The following KMT2A variants were observed in gnomAD, a reference collection of about 807,000 sequenced individuals.
The protein encoded by KMT2A is histone-lysine N-methyltransferase 2A.
A neutral mutation model predicts 345.3 loss-of-function variants in KMT2A; 16 were observed. The observed-to-expected ratio is 0.05, with a 90% confidence interval of 0.03 to 0.07. The LOEUF (loss-of-function observed/expected upper bound fraction) is 0.07, where lower values mean the gene tolerates loss of function less well. Among genes scored for constraint, KMT2A ranks in the 10% least tolerant of loss-of-function variants. The pLI is 1.00. For synonymous variants in KMT2A, 1,599 were observed against 1,778.6 expected (o/e 0.90, Z 2.54); for missense variants, 3,272 against 4,841.6 (o/e 0.68, Z 9.62).
At chr11:118,477,375 A>T (rs1170680830) in intron 4 of KMT2A, among the ~76,000 whole-genome samples, 2 of 151,962 alleles carry the variant, frequency 1.3e-5, no homozygotes, top group African/African-American at 4.8e-5. Context: ...CAGAGTAGCC[A>T]CTCAGAACAA....
chr11:118,463,227 G>GT (rs1949780760), intron 1 of KMT2A, among the ~76,000 whole-genome samples: 1 of 151,498 alleles, frequency 6.6e-6, no homozygotes, highest in Admixed American at 6.6e-5. Flanking sequence ...CAAAGTGCTG[G>GT]GATTACAGGC....
chr11:118,518,850 G>T (rs1950887274), intron 31 of KMT2A, among the ~76,000 whole-genome samples: 1 of 151,092 alleles, frequency 6.6e-6, no homozygotes. Context: ...GGCCAAGGCG[G>T]GTGGATCACG....
chr11:118,467,818 G>A (rs1239451285), intron 1 of KMT2A, among the ~76,000 whole-genome samples: 9 of 152,194 alleles, frequency 5.9e-5, no homozygotes, highest in African/African-American at 1.7e-4. Context: ...GGAGGTTCCA[G>A]AATGTCTGTT....
rs968997749 is a variant in KMT2A, at chr11:118,471,784, A to G, written c.625A>G (p.Lys209Glu). 6.2e-7 allele frequency: 1 copy of G among 1,613,696 alleles called. No homozygotes were observed. Among genetic ancestry groups the G allele is most frequent in the Non-Finnish European group, 8.5e-7 (1 of 1,179,698 alleles). ...LNKSETKSGD[K>E]IKKKDSKSIE... ...TAAATCAGAGACCAAATCTGGAGAT[A>G]AGATCAAGAAGAAAGATTCTAAAAG... is the stretch of plus-strand genomic sequence containing the variant. Residue 209 changes from lysine (K) to glutamate (E), a missense_variant, in exon 3 of 36, where the codon AAG becomes GAG. Around this residue, in one of 27 missense-constraint regions of KMT2A, gnomAD observed 412 missense variants for 511.0 expected, o/e 0.81. Transcript: ENST00000534358.
chr11:118,503,015 T>C lies in KMT2A; in HGVS notation c.7123T>C (p.Leu2375=), dbSNP rs782277230. The C allele has an allele frequency of 1.2e-6, 2 of 1,613,866 alleles. No homozygotes were observed. Among genetic ancestry groups the C allele is most frequent in the Admixed American group, 3.3e-5 (2 of 60,006 alleles). Residue 2375 remains leucine, a synonymous_variant, in exon 27 of 36, where the codon TTG becomes CTG. Transcript: ENST00000534358. The surrounding 1 kb of genome is among the most constrained non-coding windows in gnomAD (Gnocchi z 5.3). ...KEALSFPHLH[L]RGQRNDRDQH... ...GGCCCTCTCCTTCCCACACCTCCAT[T>C]TGAGAGGGCAAAGGAATGATCGAGA...
chr11:118,449,352 GT>G (rs1264780915), intron 1 of KMT2A: 1 of 151,688 alleles, frequency 6.6e-6, no homozygotes, highest in Non-Finnish European at 1.5e-5. Flanking sequence ...AAGGCCAGGA[GT>G]TCAAGACTAG....
intron 1 of KMT2A, among the ~76,000 whole-genome samples, chr11:118,441,578 A>G (rs1219446512): frequency 6.6e-6 from 1 of 152,166 alleles, no homozygotes; most frequent in African/African-American, 2.4e-5. Flanking sequence ...ATATTCCTGT[A>G]GGTGTATGAA....
chr11:118,511,778 CT>C, intron 30 of KMT2A, 172 bp from the exon 31 acceptor site: 1 of 654,200 alleles, frequency 1.5e-6, no homozygotes, highest in South Asian at 1.8e-5. Flanking sequence ...TTTTCGGCTC[CT>C]TTCACATGTA....
At chr11:118,445,646 A>C (rs191043573) in intron 1 of KMT2A, among the ~76,000 whole-genome samples, 1 of 152,260 alleles carries the variant, frequency 6.6e-6, no homozygotes, top group Non-Finnish European at 1.5e-5. Flanking sequence ...CTTGAGCAGA[A>C]TGGTCAAAAG....
rs1046544663 is a variant in KMT2A at position 118,473,278 on chromosome 11, G to A, written c.2119G>A (p.Ala707Thr). ...AGCTCCAAGATTTACTCCAAGTGAGGCTCACTCTAGAATATTTGAGTCTGT... is the reference window on the plus strand; with the variant it reads ...AGCTCCAAGATTTACTCCAAGTGAGACTCACTCTAGAATATTTGAGTCTGT... Reference protein sequence around the residue: ...LRAPRFTPSEAHSRIFESVTL... With the variant: ...LRAPRFTPSETHSRIFESVTL... Residue 707 changes from alanine (A) to threonine (T), a missense_variant, in exon 3 of 36, where the codon GCT (alanine) becomes ACT (threonine). Transcript: ENST00000534358. This position sits in a 1 kb window ranked among gnomAD's most constrained non-coding sequence, Gnocchi z 5.2. 6.2e-7 allele frequency: 1 copy of A among 1,612,376 alleles called. No homozygotes were observed. Among genetic ancestry groups the A allele is most frequent in the Non-Finnish European group, 8.5e-7 (1 of 1,179,416 alleles).
chr11:118,509,220 G>A lies in KMT2A; in HGVS notation c.10900+20G>A. On this transcript the variant is annotated intron_variant, in intron 29 of 35. Transcript: ENST00000534358. ...GTGCAGGTATGTGGGTGGGTAAAAG[G>A]TTAGAATCAGAGAATATCAATGCTA... 1.3e-6 allele frequency: 2 copies of A among 1,591,528 alleles called. No individual in the cohort carries two copies. Among genetic ancestry groups the A allele is most frequent in the Non-Finnish European group, 1.7e-6 (2 of 1,160,320 alleles).
intron 1 of KMT2A, among the ~76,000 whole-genome samples, chr11:118,466,350 A>G (rs1438383309): frequency 6.6e-6 from 1 of 151,930 alleles, no homozygotes; most frequent in Non-Finnish European, 1.5e-5. Context: ...TTCTGTAAAG[A>G]CTCACTATGT....
In KMT2A at chr11:118,484,064, T is replaced by C. The variant is rs942897004; in HGVS notation, c.4087-119T>C. On this transcript the variant is annotated intron_variant, in intron 8 of 35. Coordinates refer to ENST00000534358, the MANE Select transcript of KMT2A (RefSeq NM_001197104.2). This position sits in a 1 kb window ranked among gnomAD's most constrained non-coding sequence, Gnocchi z 4.1. Reference sequence around the variant, plus strand: ...AAAAAATTCAAAGATTATTTGTTTATGTTGGAAACATGTTTTTTAGATCTA... The same window carrying C: ...AAAAAATTCAAAGATTATTTGTTTACGTTGGAAACATGTTTTTTAGATCTA... 10 of 1,021,384 alleles carry C rather than the reference T, an allele frequency of 9.8e-6. No individual in the cohort carries two copies. The highest frequency in any genetic ancestry group is 5.1e-5 in the Admixed American group (2 of 39,180). The allele number at this position is 1,021,384 out of a possible 1,614,324, so 63.3% of individuals were successfully genotyped here.
intron 15 of KMT2A, among the ~76,000 whole-genome samples, chr11:118,492,627 C>T (rs947063925): frequency 2.0e-5 from 3 of 152,162 alleles, no homozygotes; most frequent in Non-Finnish European, 4.4e-5. Context: ...TGCAGTAAGC[C>T]GAGATCGCGC....
Position 118,520,064 on chromosome 11 carries a change from G to A in KMT2A, c.11429G>A (p.Arg3810Gln), listed in dbSNP as rs1555053012. The change falls in exon 33 of 36, where the codon CGG becomes CAG. Residue 3810 changes from arginine (R) to glutamine (Q), a missense_variant and splice_region_variant. Physicochemically the swap from Arg to Gln is conservative, Grantham distance 43. This residue lies in a region of KMT2A where 78 missense variants were observed against 254.5 expected (regional missense o/e 0.31). Transcript: ENST00000534358. The surrounding 1 kb of genome is among the most constrained non-coding windows in gnomAD (Gnocchi z 4.3). ...EEEEVQLKSA[R>Q]RATSMDLPMP... ...GAGGAGGTACAGCTGAAGTCAGCTCGGTAAGTCTTGAGTGGGGAGCAGTCA... is the reference window on the plus strand; with the variant it reads ...GAGGAGGTACAGCTGAAGTCAGCTCAGTAAGTCTTGAGTGGGGAGCAGTCA... 6.2e-7 allele frequency: 1 copy of A among 1,606,352 alleles called. No homozygotes were observed. Among genetic ancestry groups the A allele is most frequent in the Non-Finnish European group, 8.5e-7 (1 of 1,173,160 alleles).
Position 118,490,265 on chromosome 11 carries a change from A to C in KMT2A, c.4696+16A>C, listed in dbSNP as rs1555042140. On this transcript the variant is annotated intron_variant, in intron 13 of 35. Coordinates refer to ENST00000534358, the MANE Select transcript of KMT2A (RefSeq NM_001197104.2). The surrounding 1 kb of genome is among the most constrained non-coding windows in gnomAD (Gnocchi z 4.2). ...TTTGCTAAAGGTACCCAAAAAAGCCAGTTTTGCCAGCTTTCGGAGGTTGTA... is the reference window on the plus strand; with the variant it reads ...TTTGCTAAAGGTACCCAAAAAAGCCCGTTTTGCCAGCTTTCGGAGGTTGTA... 6.5e-7 allele frequency: 1 copy of C among 1,537,394 alleles called. No homozygotes were observed. Among genetic ancestry groups the C allele is most frequent in the East Asian group, 2.3e-5 (1 of 43,206 alleles).
At position 118,495,828 on chromosome 11, in the gene KMT2A, A is replaced by G. The variant is rs1950399872; in HGVS notation, c.5492A>G (p.Lys1831Arg). The G allele has an allele frequency of 1.2e-6, 2 of 1,614,064 alleles. No individual in the cohort carries two copies. The highest frequency in any genetic ancestry group is 1.7e-6 in the Non-Finnish European group (2 of 1,179,988). Residue 1831 changes from lysine to arginine, a missense_variant, in exon 19 of 36, where the codon AAA becomes AGA. Lys to Arg is a conservative substitution (Grantham distance 26). Coordinates refer to ENST00000534358, the MANE Select transcript of KMT2A (RefSeq NM_001197104.2). The surrounding 1 kb of genome is among the most constrained non-coding windows in gnomAD (Gnocchi z 4.1). ...PLMKKIIPAP[K>R]PKGPGEPDSP... ...ATGAAGAAAATCATTCCAGCTCCCA[A>G]ACCCAAAGGTCCTGGAGAACCAGAC...
Position 118,471,909 on chromosome 11 carries a change from AGAT to A in KMT2A, c.751_753del (p.Asp251del). ...CAGAGTTACCAAAGGGAAACAAAGAAGATAGCCTGAAAAAAATTAAAAGGACAC... is the reference window on the plus strand; with the variant it reads ...CAGAGTTACCAAAGGGAAACAAAGAAAGCCTGAAAAAAATTAAAAGGACAC... On this transcript the variant is annotated inframe_deletion, in exon 3 of 36. Transcript: ENST00000534358. 6.2e-7 allele frequency: 1 copy of A among 1,613,998 alleles called. No homozygotes were observed. Among genetic ancestry groups the A allele is most frequent in the East Asian group, 2.2e-5 (1 of 44,884 alleles).
chr11:118,507,898 G>A (rs1240035886), intron 28 of KMT2A: 1 of 298,336 alleles, frequency 3.4e-6, no homozygotes, highest in African/African-American at 2.1e-5. Flanking sequence ...AGGAGGCGGA[G>A]CTTGCAGTGA....
Sources: allele counts gnomAD v4.1 joint callset (sites outside exome capture counted in the v4.1 genomes callset), GRCh38; gene constraint gnomAD v4.1.1; regional missense constraint gnomAD v4.1.1; non-coding constraint Gnocchi (gnomAD v3.1); transcripts MANE v1.5; gene names NCBI Gene and HGNC (gene_info 2026-07-23, HGNC 2026-07-21).